The following LRGUK variants were observed in gnomAD, a reference collection of about 807,000 sequenced individuals.
The protein encoded by LRGUK is leucine-rich repeat and guanylate kinase domain-containing protein.
A neutral mutation model predicts 76.0 loss-of-function variants in LRGUK; 65 were observed. The observed-to-expected ratio is 0.85, with a 90% confidence interval of 0.70 to 1.05. LRGUK has a LOEUF of 1.05. Ranked by LOEUF, LRGUK falls within the 50% of genes least tolerant of loss-of-function variation. The pLI is 0.00. For synonymous variants in LRGUK, 268 were observed against 265.6 expected, an observed-to-expected ratio of 1.01 and a Z score of -0.09; for missense variants, 758 against 732.8, an observed-to-expected ratio of 1.03 and a Z score of -0.40.
chr7:134,148,239 A>G, exon 5 of LRGUK: 1 of 1,595,706 alleles, frequency 6.3e-7, no homozygotes, highest in Non-Finnish European at 8.6e-7. Flanking sequence ...TCTTGCCAGA[A>G]GGCGGATTTT....
intron 12 of LRGUK, among the ~76,000 whole-genome samples, chr7:134,195,818 A>T (rs1463398078): frequency 6.6e-6 from 1 of 152,144 alleles, no homozygotes; most frequent in African/African-American, 2.4e-5. Context: ...AAGGATATTT[A>T]TTGTTGAGTT....
At chr7:134,139,512 T>C (rs1797677881) in exon 3 of LRGUK, 1 of 1,594,422 alleles carries the variant, frequency 6.3e-7, no homozygotes, top group Admixed American at 1.7e-5. Context: ...GCGAATAAAA[T>C]TGAAGGTATG....
At chr7:134,191,836 AG>A in intron 12 of LRGUK, 85 bp downstream of exon 12, 2 of 969,000 alleles carry the variant, frequency 2.1e-6, no homozygotes, top group South Asian at 1.8e-5. Context: ...AAATAAAAAA[AG>A]GAAGAATTAA....
At chr7:134,136,354 C>G (rs1330790399) in intron 1 of LRGUK, among the ~76,000 whole-genome samples, 1 of 152,178 alleles carries the variant, frequency 6.6e-6, no homozygotes, top group Non-Finnish European at 1.5e-5. Flanking sequence ...TTTTATAAAT[C>G]TAGCAACATT....
At position 134,259,247 on chromosome 7, in the gene LRGUK, C is replaced by T. The variant is rs114464363; in HGVS notation, c.2347+842C>T. Among the ~76,000 whole-genome samples the T allele has an allele frequency of 6.8e-3, 1,030 of 152,190 alleles. 10 individuals are homozygous for T. The highest frequency in any genetic ancestry group is 0.023 in the African/African-American group (945 of 41,516). On this transcript the variant is annotated intron_variant, in intron 19 of 19. Transcript: ENST00000285928. ...ATTGCACTTTTCTCTCTGGGCTCCG[C>T]GGCAGTGTTCACAAATAACACTGAG...
intron 5 of LRGUK, among the ~76,000 whole-genome samples, chr7:134,157,386 C>T (rs1445274575): frequency 6.6e-6 from 1 of 152,322 alleles, no homozygotes; most frequent in East Asian, 1.9e-4. Context: ...GAAGTTCTGC[C>T]TGTGGGAACA....
intron 15 of LRGUK, among the ~76,000 whole-genome samples, chr7:134,219,989 G>A (rs754004395): frequency 2.6e-5 from 4 of 151,980 alleles, no homozygotes; most frequent in Non-Finnish European, 4.4e-5. Flanking sequence ...ATTATTTAAC[G>A]TGTTATTTGT....
exon 19 of LRGUK, chr7:134,258,359 C>G: frequency 6.2e-7 from 1 of 1,614,068 alleles, no homozygotes; most frequent in Middle Eastern, 1.6e-4. Context: ...TTTCTTCACA[C>G]CTAGGATCAG....
downstream of LRGUK, among the ~76,000 whole-genome samples, chr7:134,212,382 C>G (rs565176966): frequency 6.6e-6 from 1 of 152,332 alleles, no homozygotes; most frequent in African/African-American, 2.4e-5. Context: ...CAGCAGCATG[C>G]TAAACTGTAT....
chr7:134,133,633 G>C (rs1797401175), intron 1 of LRGUK, among the ~76,000 whole-genome samples: 1 of 152,148 alleles, frequency 6.6e-6, no homozygotes, highest in African/African-American at 2.4e-5. Context: ...TTTTCCCCCT[G>C]ATGAATGAGG....
At chr7:134,181,578 C>T (rs1431969126) in intron 10 of LRGUK, among the ~76,000 whole-genome samples, 1 of 151,856 alleles carries the variant, frequency 6.6e-6, no homozygotes, top group Non-Finnish European at 1.5e-5. Context: ...GAAGTATAGC[C>T]TCTGTTTTCT....
intron 18 of LRGUK, among the ~76,000 whole-genome samples, chr7:134,255,005 T>C (rs905023540): frequency 8.5e-5 from 13 of 152,224 alleles, no homozygotes; most frequent in Non-Finnish European, 1.6e-4. Context: ...CTAAATTGTC[T>C]ATAATGCGTA....
chr7:134,170,699 CTTAAT>C (rs896791766), intron 7 of LRGUK, among the ~76,000 whole-genome samples: 1 of 152,070 alleles, frequency 6.6e-6, no homozygotes, highest in Non-Finnish European at 1.5e-5. Context: ...AATGTAAAAA[CTTAAT>C]TTACTTTTTC....
chr7:134,258,182 T>C (rs778348747), intron 18 of LRGUK, 75 bp from the exon 19 acceptor site: 14 of 1,573,994 alleles, frequency 8.9e-6, no homozygotes, highest in Non-Finnish European at 1.2e-5. Flanking sequence ...AGTGAAGTCA[T>C]AGGCATAGAT....
At chr7:134,192,928 C>G (rs955819627) in intron 12 of LRGUK, among the ~76,000 whole-genome samples, 1 of 152,132 alleles carries the variant, frequency 6.6e-6, no homozygotes, top group Non-Finnish European at 1.5e-5. Flanking sequence ...TCCTCTTTCC[C>G]CTTCTTTTTC....
chr7:134,196,948 A>G, intron 12 of LRGUK, 44 bp from the exon 13 acceptor site: 1 of 1,025,908 alleles, frequency 9.7e-7, no homozygotes, highest in Non-Finnish European at 1.5e-6. Flanking sequence ...AAATTCCATG[A>G]TGGCTGCTGT....
At chr7:134,146,982 ATAAT>A (rs1797997847) in intron 4 of LRGUK, among the ~76,000 whole-genome samples, 1 of 152,184 alleles carries the variant, frequency 6.6e-6, no homozygotes, top group Non-Finnish European at 1.5e-5. Context: ...CAGCAGGTGA[ATAAT>A]TAAAGTTATT....
intron 19 of LRGUK, among the ~76,000 whole-genome samples, chr7:134,260,791 G>A (rs2117230278): frequency 6.6e-6 from 1 of 152,238 alleles, no homozygotes; most frequent in African/African-American, 2.4e-5. Context: ...TGAGATCCCA[G>A]CTATGCCTGT....
In LRGUK at chr7:134,184,363, G is replaced by A. The variant is rs550086776; in HGVS notation, c.1334+510G>A. ...CGGCTCACTGCAAGCTCCACCTCTC[G>A]GGTTCATACCATTCTCCTGCCTCAG... On this transcript the variant is annotated intron_variant, in intron 11 of 15. Transcript: ENST00000645682. Among the ~76,000 whole-genome samples, 8 of 150,904 alleles carry A rather than the reference G, an allele frequency of 5.3e-5. No individual in the cohort carries two copies. The South Asian group carries it at 6.3e-4, about 12-fold the overall frequency.
Sources: allele counts gnomAD v4.1 joint callset (sites outside exome capture counted in the v4.1 genomes callset), GRCh38; gene constraint gnomAD v4.1.1; transcripts MANE v1.5; gene names NCBI Gene and HGNC (gene_info 2026-07-23, HGNC 2026-07-21).